Variants in AHCYL2 observed in about 807,000 individuals in gnomAD.
AHCYL2 encodes the protein S-adenosylhomocysteine hydrolase-like protein 2.
AHCYL2 carries 28 observed loss-of-function variants against 81.4 expected under a neutral mutation model. The ratio of observed to expected loss-of-function variants is 0.34; its 90% CI spans 0.25 to 0.47. AHCYL2 has a LOEUF of 0.47. Among genes scored for constraint, AHCYL2 ranks in the 20% least tolerant of loss-of-function variants. The probability of loss-of-function intolerance (pLI) is 1.00; values close to 1 mark genes in which losing one functional copy is unlikely to be tolerated. For missense variants in AHCYL2, 551 were observed against 785.1 expected (o/e 0.70, Z 3.56); for synonymous variants, 272 against 290.2 (o/e 0.94, Z 0.64).
At chr7:129,299,494 C>A (rs1430290423) in intron 1 of AHCYL2, among the ~76,000 whole-genome samples, 3 of 146,986 alleles carry the variant, frequency 2.0e-5, no homozygotes, top group African/African-American at 7.5e-5. Flanking sequence ...CCCGGGTTCA[C>A]GCCATTCTCC....
At chr7:129,269,354 C>T (rs1795923994) in intron 1 of AHCYL2, among the ~76,000 whole-genome samples, 7 of 151,672 alleles carry the variant, frequency 4.6e-5, no homozygotes. Flanking sequence ...GGCACAATTT[C>T]AGCTCACTGC....
intron 1 of AHCYL2, among the ~76,000 whole-genome samples, chr7:129,374,666 G>A (rs1287630287): frequency 5.3e-5 from 8 of 151,874 alleles, no homozygotes; most frequent in African/African-American, 9.7e-5. Flanking sequence ...AAATTAGCCC[G>A]CGTGGTGGCA....
chr7:129,310,433 G>T (rs531729792), intron 1 of AHCYL2, among the ~76,000 whole-genome samples: 4 of 152,164 alleles, frequency 2.6e-5, no homozygotes, highest in African/African-American at 9.6e-5. Context: ...GGACCCCAAT[G>T]GACATCAACA....
chr7:129,249,059 G>A (rs1334409732), intron 1 of AHCYL2, among the ~76,000 whole-genome samples: 1 of 146,604 alleles, frequency 6.8e-6, no homozygotes, highest in Non-Finnish European at 1.5e-5. Context: ...GTGCAGTGGC[G>A]CGATCTTGGC....
At chr7:129,370,400 A>ATTGGTTG (rs139029414) in intron 1 of AHCYL2, among the ~76,000 whole-genome samples, 59,071 of 151,800 alleles carry the variant, frequency 0.39, 11,742 homozygotes, top group South Asian at 0.57. Flanking sequence ...GTAAAAAATA[A>ATTGGTTG]ATAAAAAAAT....
At chr7:129,283,541 T>C (rs1329593779) in intron 1 of AHCYL2, 2 of 359,162 alleles carry the variant, frequency 5.6e-6, no homozygotes, top group Non-Finnish European at 1.1e-5. Context: ...AATGGATATA[T>C]TTGCCAAAGA....
At chr7:129,420,362 A>G (rs1349418968) in intron 12 of AHCYL2, among the ~76,000 whole-genome samples, 2 of 152,198 alleles carry the variant, frequency 1.3e-5, no homozygotes, top group African/African-American at 4.8e-5. Context: ...CATTGTCACC[A>G]AGAGTATCTC....
chr7:129,307,417 C>G (rs1382726532), intron 1 of AHCYL2, among the ~76,000 whole-genome samples: 2 of 152,100 alleles, frequency 1.3e-5, no homozygotes, highest in African/African-American at 4.8e-5. Flanking sequence ...TACCAGGGCA[C>G]CACTGATGTT....
intron 1 of AHCYL2, among the ~76,000 whole-genome samples, chr7:129,292,824 A>T (rs1796915386): frequency 6.6e-6 from 1 of 152,152 alleles, no homozygotes; most frequent in Non-Finnish European, 1.5e-5. Context: ...ACTTTAACTT[A>T]TTCATTAGAA....
chr7:129,294,318 A>T (rs1796981311), intron 1 of AHCYL2, among the ~76,000 whole-genome samples: 1 of 152,174 alleles, frequency 6.6e-6, no homozygotes, highest in South Asian at 2.1e-4. Flanking sequence ...TAATGCTTCA[A>T]TTTCCTTGAT....
At chr7:129,345,080 A>G (rs551067000) in intron 1 of AHCYL2, among the ~76,000 whole-genome samples, 1 of 152,206 alleles carries the variant, frequency 6.6e-6, no homozygotes, top group African/African-American at 2.4e-5. Flanking sequence ...ACTTGAACCC[A>G]GGAGGCAGAG....
intron 1 of AHCYL2, 47 bp downstream of exon 1, chr7:129,225,486 G>A: frequency 2.1e-6 from 3 of 1,456,576 alleles, no homozygotes; most frequent in Non-Finnish European, 1.8e-6. Context: ...GAGGGGAGGG[G>A]AACTGCAGAT....
intron 1 of AHCYL2, among the ~76,000 whole-genome samples, chr7:129,263,790 C>A (rs1195282116): frequency 6.6e-6 from 1 of 152,064 alleles, no homozygotes; most frequent in Non-Finnish European, 1.5e-5. Flanking sequence ...CAGTTAGTGC[C>A]TTGTGTAGAA....
intron 1 of AHCYL2, among the ~76,000 whole-genome samples, chr7:129,281,138 C>T (rs1796429006): frequency 6.6e-6 from 1 of 152,144 alleles, no homozygotes; most frequent in Non-Finnish European, 1.5e-5. Flanking sequence ...GCTGGGATTA[C>T]AGGCATGAGC....
chr7:129,362,221 T>G (rs1441048164), intron 1 of AHCYL2, among the ~76,000 whole-genome samples: 2 of 152,186 alleles, frequency 1.3e-5, no homozygotes, highest in Non-Finnish European at 2.9e-5. Context: ...GATACACAGC[T>G]AGTAAGTGAT....
chr7:129,349,800 C>T (rs1188250756), intron 1 of AHCYL2, among the ~76,000 whole-genome samples: 3 of 152,090 alleles, frequency 2.0e-5, no homozygotes, highest in Admixed American at 2.0e-4. Context: ...TCTGTAAAAC[C>T]TCTCCCATCT....
At chr7:129,250,198 C>T (rs1795202586) in intron 1 of AHCYL2, among the ~76,000 whole-genome samples, 1 of 152,132 alleles carries the variant, frequency 6.6e-6, no homozygotes, top group Admixed American at 6.5e-5. Context: ...ACCTGGGAGG[C>T]TGAGTTCGAG....
chr7:129,331,841 C>CA (rs1312617619), intron 1 of AHCYL2, among the ~76,000 whole-genome samples: 5 of 148,858 alleles, frequency 3.4e-5, no homozygotes, highest in Non-Finnish European at 7.4e-5. Flanking sequence ...GACTCCCTGT[C>CA]AAAAAAAAAT....
intron 11 of AHCYL2, among the ~76,000 whole-genome samples, chr7:129,411,565 G>GC (rs1413175434): frequency 6.6e-6 from 1 of 152,076 alleles, no homozygotes; most frequent in Non-Finnish European, 1.5e-5. Flanking sequence ...TTCGAGACCA[G>GC]CCTGGCCAAC....
Sources: allele counts gnomAD v4.1 joint callset (sites outside exome capture counted in the v4.1 genomes callset), GRCh38; gene constraint gnomAD v4.1.1; transcripts MANE v1.5; gene names NCBI Gene and HGNC (gene_info 2026-07-23, HGNC 2026-07-21).